Variants in PTPN22 observed in about 807,000 individuals in gnomAD.
PTPN22 encodes the protein tyrosine-protein phosphatase non-receptor type 22.
PTPN22 carries 85 observed loss-of-function variants against 103.3 expected under a neutral mutation model. That is an observed-to-expected ratio of 0.82 (90% CI 0.69 to 0.99). PTPN22 has a LOEUF of 0.99. PTPN22 is among the 50% of genes least tolerant of loss of function. PTPN22 has a pLI of 0.00. For synonymous variants in PTPN22, 323 were observed against 310.2 expected, an observed-to-expected ratio of 1.04 and a Z score of -0.43; for missense variants, 865 against 936.9, an observed-to-expected ratio of 0.92 and a Z score of 1.00.
intron 7 of PTPN22, 76 bp downstream of exon 7, chr1:113,856,306 C>T: frequency 2.7e-6 from 4 of 1,457,930 alleles, no homozygotes; most frequent in Non-Finnish European, 3.6e-6. Flanking sequence ...TATGCCCAGC[C>T]TGAGCTACAC....
At chr1:113,870,414 A>T (rs1261481202) in intron 1 of PTPN22, among the ~76,000 whole-genome samples, 1 of 152,172 alleles carries the variant, frequency 6.6e-6, no homozygotes, top group Non-Finnish European at 1.5e-5. Context: ...CGCCAGCTGT[A>T]AGCATTCTAA....
intron 20 of PTPN22, among the ~76,000 whole-genome samples, chr1:113,817,842 T>C (rs1661286454): frequency 6.6e-6 from 1 of 152,200 alleles, no homozygotes; most frequent in Non-Finnish European, 1.5e-5. Context: ...TGTAGACTGT[T>C]GTTAAGCTAG....
chr1:113,855,911 C>G (rs1172020228), intron 7 of PTPN22, among the ~76,000 whole-genome samples: 1 of 152,234 alleles, frequency 6.6e-6, no homozygotes, highest in East Asian at 1.9e-4. Flanking sequence ...GGTCCCCAGT[C>G]TCTATGCACT....
chr1:113,832,591 C>A (rs1438901603), intron 16 of PTPN22, among the ~76,000 whole-genome samples: 1 of 152,096 alleles, frequency 6.6e-6, no homozygotes, highest in East Asian at 1.9e-4. Flanking sequence ...GTTTTTTAAC[C>A]TTTATATTAT....
At chr1:113,848,507 T>A in intron 11 of PTPN22, 33 bp downstream of exon 11, 1 of 1,606,306 alleles carries the variant, frequency 6.2e-7, no homozygotes, top group Non-Finnish European at 8.5e-7. Context: ...AGTATGAAAA[T>A]TTTTTTGACA....
intron 1 of PTPN22, among the ~76,000 whole-genome samples, chr1:113,862,447 G>A (rs1459526080): frequency 1.3e-5 from 2 of 152,064 alleles, no homozygotes; most frequent in African/African-American, 2.4e-5. Flanking sequence ...TACCCCTTTC[G>A]TTTCAAGAAA....
intron 18 of PTPN22, among the ~76,000 whole-genome samples, chr1:113,826,205 C>G (rs1052612888): frequency 6.6e-6 from 1 of 151,968 alleles, no homozygotes; most frequent in African/African-American, 2.4e-5. Context: ...AAAAGCCAGG[C>G]ATGGTGGTGC....
chr1:113,851,572 G>A (rs1030035830), intron 10 of PTPN22, among the ~76,000 whole-genome samples: 22 of 152,136 alleles, frequency 1.4e-4, no homozygotes, highest in African/African-American at 5.3e-4. Flanking sequence ...TTATTTTTCA[G>A]TGTTTCCTAA....
At chr1:113,820,631 A>G (rs1246412835) in intron 19 of PTPN22, among the ~76,000 whole-genome samples, 1 of 152,216 alleles carries the variant, frequency 6.6e-6, no homozygotes, top group Non-Finnish European at 1.5e-5. Context: ...GCAGTTTTGA[A>G]AACAGTCCCT....
At chr1:113,864,729 A>G (rs757101514) in intron 1 of PTPN22, among the ~76,000 whole-genome samples, 1 of 151,426 alleles carries the variant, frequency 6.6e-6, no homozygotes, top group Non-Finnish European at 1.5e-5. Flanking sequence ...TGGCTAACAC[A>G]GTGAAACCTT....
At chr1:113,850,991 A>G (rs1003986948) in intron 10 of PTPN22, among the ~76,000 whole-genome samples, 8 of 152,206 alleles carry the variant, frequency 5.3e-5, no homozygotes, top group Non-Finnish European at 1.2e-4. Flanking sequence ...GAAAACTAAA[A>G]CTATTGGGTA....
chr1:113,838,771 C>T, intron 11 of PTPN22, 151 bp from the exon 12 acceptor site: 1 of 1,265,162 alleles, frequency 7.9e-7, no homozygotes, highest in Non-Finnish European at 1.1e-6. Flanking sequence ...AAATATTGAA[C>T]TCAGCAAGAA....
intron 20 of PTPN22, among the ~76,000 whole-genome samples, chr1:113,818,315 C>T (rs540622304): frequency 2.7e-3 from 414 of 151,978 alleles, no homozygotes; most frequent in African/African-American, 9.5e-3. Flanking sequence ...GAGGCATGTA[C>T]CACCATGCCC....
At position 113,829,726 on chromosome 1, in the gene PTPN22, G is replaced by A. The variant is rs1177255497; in HGVS notation, c.2135-19C>T. Reference sequence around the variant, plus strand: ...TGCATACCTTAAAAAAAAAAAAGGAGAAAAACATGTTCCATTGCATACCTT... The same window carrying A: ...TGCATACCTTAAAAAAAAAAAAGGAAAAAAACATGTTCCATTGCATACCTT... On this transcript the variant is annotated intron_variant, in intron 17 of 20. Coordinates refer to ENST00000359785, the Ensembl canonical transcript of PTPN22. 7 of 1,439,214 alleles carry A rather than the reference G, an allele frequency of 4.9e-6. No individual in the cohort carries two copies. The highest frequency in any genetic ancestry group is 2.3e-5 in the East Asian group (1 of 43,852). 89.2% of individuals were successfully genotyped at this position (1,439,214 alleles called of 1,614,324 possible).
chr1:113,853,357 T>C (rs1203607160), intron 9 of PTPN22, among the ~76,000 whole-genome samples: 105 of 150,410 alleles, frequency 7.0e-4, no homozygotes, highest in African/African-American at 2.4e-3. Flanking sequence ...TCTTTCTTTT[T>C]TTTTTTTTTT....
At chr1:113,814,964 C>G (rs1342117029) in exon 21 of PTPN22, 1 of 1,604,356 alleles carries the variant, frequency 6.2e-7, no homozygotes, top group African/African-American at 1.3e-5. Context: ...AAACGGTTTG[C>G]AAAACCTGGG....
chr1:113,859,416 A>G, exon 2 of PTPN22: 1 of 1,614,016 alleles, frequency 6.2e-7, no homozygotes, highest in Non-Finnish European at 8.5e-7. Flanking sequence ...CAGTTGTAGG[A>G]TAGGTTTTGT....
intron 1 of PTPN22, chr1:113,864,515 C>G (rs922255983): frequency 1.2e-5 from 3 of 242,394 alleles, no homozygotes; most frequent in African/African-American, 7.4e-5. Context: ...AATCTCAACA[C>G]TTTGGGAGGC....
At chr1:113,862,124 C>CA (rs1229979914) in intron 1 of PTPN22, among the ~76,000 whole-genome samples, 3 of 151,238 alleles carry the variant, frequency 2.0e-5, no homozygotes, top group Non-Finnish European at 3.0e-5. Flanking sequence ...ACCAAAAATA[C>CA]AAAAAAAATT....
Sources: gnomAD v4.1 joint callset for allele counts (sites outside exome capture counted in the v4.1 genomes callset) on GRCh38, gnomAD v4.1.1 for gene constraint, MANE v1.5 for transcripts, NCBI Gene and HGNC (gene_info 2026-07-23, HGNC 2026-07-21) for gene names.